Variants in NME5 observed in about 807,000 individuals in gnomAD.
The protein encoded by NME5 is NME/NM23 family member 5, also known as nucleoside diphosphate kinase 5.
A neutral mutation model predicts 21.6 loss-of-function variants in NME5; 18 were observed. The observed-to-expected ratio is 0.83, with a 90% CI of 0.58 to 1.24. The LOEUF (loss-of-function observed/expected upper bound fraction) is 1.24, where lower values mean the gene tolerates loss of function less well. NME5 is among the 50% of genes most tolerant of loss of function. The probability of loss-of-function intolerance (pLI) is 0.00; values close to 1 mark genes in which losing one functional copy is unlikely to be tolerated. For missense variants in NME5, 223 were observed against 255.4 expected (o/e 0.87, Z 0.86); for synonymous variants, 70 against 80.6 (o/e 0.87, Z 0.71).
At chr5:138,127,727 G>C in intron 4 of NME5, 2 of 973,960 alleles carry the variant, frequency 2.1e-6, no homozygotes, top group South Asian at 9.5e-5. Flanking sequence ...CAAAAAAAGG[G>C]ACTAGTTATT....
chr5:138,136,113 A>G lies in NME5; in HGVS notation c.129+2539T>C, dbSNP rs953149172. On this transcript the variant is annotated intron_variant, in intron 2 of 5. Coordinates refer to ENST00000265191, the MANE Select transcript of NME5 (RefSeq NM_003551.3). ...CTGGGTTATTTTCAATCTTTTGTTG[A>G]TAAGTAAACAATGCTGCAAAAAATA... Among the ~76,000 whole-genome samples, 8 of 152,300 alleles carry G rather than the reference A, an allele frequency of 5.3e-5. 1 individual carries two copies. The highest frequency in any genetic ancestry group is 5.2e-4 in the Admixed American group (8 of 15,290).
At chr5:138,126,122 C>T (rs1169639798) in intron 4 of NME5, among the ~76,000 whole-genome samples, 1 of 152,142 alleles carries the variant, frequency 6.6e-6, no homozygotes, top group Non-Finnish European at 1.5e-5. Context: ...TATATTTATC[C>T]TACAACTTGC....
intron 4 of NME5, among the ~76,000 whole-genome samples, chr5:138,126,083 G>A (rs944213433): frequency 1.4e-4 from 21 of 152,176 alleles, no homozygotes; most frequent in Non-Finnish European, 2.2e-4. Flanking sequence ...CAGCAAAAGA[G>A]CTACAATGTG....
At chr5:138,126,747 A>T (rs1241545441) in intron 4 of NME5, among the ~76,000 whole-genome samples, 1 of 152,064 alleles carries the variant, frequency 6.6e-6, no homozygotes, top group African/African-American at 2.4e-5. Flanking sequence ...CAGGAGTTCA[A>T]GACCAGCCTG....
chr5:138,137,722 G>A (rs1346387369), intron 2 of NME5, among the ~76,000 whole-genome samples: 3 of 151,632 alleles, frequency 2.0e-5, no homozygotes, highest in Non-Finnish European at 2.9e-5. Flanking sequence ...TAAAAGAGGC[G>A]GGGTGCAGTG....
rs2151155014 is a variant in NME5 at position 138,115,477 on chromosome 5, A to G, written c.*204T>C. The G allele has an allele frequency of 2.6e-6, 1 of 378,378 alleles. No homozygotes were observed. Among genetic ancestry groups the G allele is most frequent in the Admixed American group, 4.2e-5 (1 of 23,892 alleles). The allele number at this position is 378,378 out of a possible 1,614,324, so 23.4% of individuals were successfully genotyped here. On this transcript the variant is annotated 3_prime_UTR_variant, in exon 6 of 6. Transcript: ENST00000265191. ...GTTTTCCATTACCTAGTGTTACATCATTGTTAAAATCATACTCTAAGCCTA... is the reference window on the plus strand; with the variant it reads ...GTTTTCCATTACCTAGTGTTACATCGTTGTTAAAATCATACTCTAAGCCTA...
intron 4 of NME5, chr5:138,127,595 A>G (rs1402237597): frequency 3.0e-6 from 3 of 984,560 alleles, no homozygotes; most frequent in Non-Finnish European, 3.6e-6. Context: ...TTTTTTCCTT[A>G]TAACAAAAAT....
intron 4 of NME5, among the ~76,000 whole-genome samples, chr5:138,126,890 T>A (rs1751440035): frequency 6.6e-6 from 1 of 152,066 alleles, no homozygotes. Flanking sequence ...GAGGCTGCCA[T>A]GAGTCGTGAT....
chr5:138,116,505 T>C (rs1751158355), intron 5 of NME5: 1 of 152,170 alleles, frequency 6.6e-6, no homozygotes, highest in Non-Finnish European at 1.5e-5. Context: ...GCTACAGTAG[T>C]CAGCACAGTG....
Position 138,138,719 on chromosome 5 carries a change from G to A in NME5, c.62C>T (p.Pro21Leu), listed in dbSNP as rs1421401381. ...YVEKTLAIIKPDIVDKEEEIQ... is the reference protein window; with the variant it reads ...YVEKTLAIIKLDIVDKEEEIQ... ...CTCCTCCTCTTTGTCAACAATATCT[G>A]GTTTGATAATGGCCAGAGTTTTTTC... Residue 21 changes from proline (P) to leucine (L), a missense_variant, in exon 2 of 6, where the codon CCA (proline) becomes CTA (leucine). Coordinates refer to ENST00000265191, the MANE Select transcript of NME5 (RefSeq NM_003551.3). 49 of 1,612,130 alleles carry A rather than the reference G, an allele frequency of 3.0e-5. No homozygotes were observed. The highest frequency in any genetic ancestry group is 4.0e-5 in the Non-Finnish European group (47 of 1,178,980).
At chr5:138,118,508 T>TG (rs1228685865) in intron 5 of NME5, among the ~76,000 whole-genome samples, 1 of 151,774 alleles carries the variant, frequency 6.6e-6, no homozygotes, top group African/African-American at 2.4e-5. Flanking sequence ...TTTTTTGAGA[T>TG]GGAGTCTTGC....
chr5:138,127,147 T>A (rs1751445090), intron 4 of NME5, among the ~76,000 whole-genome samples: 1 of 152,040 alleles, frequency 6.6e-6, no homozygotes, highest in Non-Finnish European at 1.5e-5. Flanking sequence ...TGTTTGTTTG[T>A]TTAAGAATCA....
intron 3 of NME5, 51 bp from the exon 4 acceptor site, chr5:138,128,630 C>T (rs1488544675): frequency 3.2e-6 from 4 of 1,244,070 alleles, no homozygotes; most frequent in Non-Finnish European, 4.6e-6. Context: ...CTATTCCTTA[C>T]TTTATATGCA....
At chr5:138,132,671 G>C (rs763947436) in intron 2 of NME5, among the ~76,000 whole-genome samples, 45 of 152,130 alleles carry the variant, frequency 3.0e-4, no homozygotes, top group Non-Finnish European at 6.2e-4. Flanking sequence ...AAATTGCTTG[G>C]TTTGTAGCAA....
intron 4 of NME5, among the ~76,000 whole-genome samples, chr5:138,120,244 T>TC (rs1311151330): frequency 6.8e-6 from 1 of 147,114 alleles, no homozygotes; most frequent in Non-Finnish European, 1.5e-5. Flanking sequence ...TTTTTTTTTT[T>TC]TTTTTTTTGA....
At chr5:138,122,210 G>C (rs1044069825) in intron 4 of NME5, among the ~76,000 whole-genome samples, 1 of 151,758 alleles carries the variant, frequency 6.6e-6, no homozygotes, top group Non-Finnish European at 1.5e-5. Context: ...AGGCCAAGGC[G>C]GGTGGATCAC....
Position 138,129,254 on chromosome 5 carries a change from G to A in NME5, c.335+9C>T. Reference sequence around the variant, plus strand: ...CATTCCCTGCCATCCCCCAAACCCTGAAAATTACCTGTCTGGATGTGTCTC... The same window carrying A: ...CATTCCCTGCCATCCCCCAAACCCTAAAAATTACCTGTCTGGATGTGTCTC... On this transcript the variant is annotated intron_variant, in intron 3 of 5. Transcript: ENST00000265191. 1 of 1,598,584 alleles carries A rather than the reference G, an allele frequency of 6.3e-7. No individual in the cohort carries two copies. The highest frequency in any genetic ancestry group is 1.3e-5 in the African/African-American group (1 of 74,226).
chr5:138,120,453 T>G (rs998385979), intron 4 of NME5, among the ~76,000 whole-genome samples: 3 of 152,058 alleles, frequency 2.0e-5, no homozygotes, highest in Admixed American at 2.0e-4. Context: ...TTAGCCAGGA[T>G]GGTCTTGATA....
Position 138,138,606 on chromosome 5 carries a change from A to T in NME5, c.129+46T>A. On this transcript the variant is annotated intron_variant, in intron 2 of 5. Coordinates refer to ENST00000265191, the MANE Select transcript of NME5 (RefSeq NM_003551.3). ...ACATTTACATAAGCATTTTTTTTTTAAGGGCAGAGAGGAAAAAAGCATGAA... is the reference window on the plus strand; with the variant it reads ...ACATTTACATAAGCATTTTTTTTTTTAGGGCAGAGAGGAAAAAAGCATGAA... 5 of 1,533,690 alleles carry T rather than the reference A, an allele frequency of 3.3e-6. No homozygotes were observed. The African/African-American group carries it at 4.2e-5, about 13-fold the overall frequency.
Sources: gnomAD v4.1 joint callset for allele counts (sites outside exome capture counted in the v4.1 genomes callset) on GRCh38, gnomAD v4.1.1 for gene constraint, MANE v1.5 for transcripts, NCBI Gene and HGNC (gene_info 2026-07-23, HGNC 2026-07-21) for gene names.